Variants in LRFN5 observed in about 807,000 individuals in gnomAD.
The protein encoded by LRFN5 is leucine-rich repeat and fibronectin type-III domain-containing protein 5.
LRFN5 carries 24 observed loss-of-function variants against 45.6 expected under a neutral mutation model. That is an observed-to-expected ratio of 0.53 (90% CI 0.38 to 0.74). The LOEUF (loss-of-function observed/expected upper bound fraction) is 0.74. LRFN5 is among the 30% of genes least tolerant of loss of function. The probability of loss-of-function intolerance (pLI) is 0.00; values close to 1 mark genes in which losing one functional copy is unlikely to be tolerated. For synonymous variants in LRFN5, 340 were observed against 313.8 expected, an observed-to-expected ratio of 1.08 and a Z score of -0.88; for missense variants, 776 against 861.5, an observed-to-expected ratio of 0.90 and a Z score of 1.24.
intron 2 of LRFN5, among the ~76,000 whole-genome samples, chr14:41,853,864 A>G (rs1889359918): frequency 6.6e-6 from 1 of 152,112 alleles, no homozygotes; most frequent in Admixed American, 6.6e-5. Flanking sequence ...TAGTGTTGGT[A>G]GCAGTAACAA....
At chr14:41,670,785 A>C (rs2138658375) in intron 1 of LRFN5, among the ~76,000 whole-genome samples, 1 of 152,170 alleles carries the variant, frequency 6.6e-6, no homozygotes, top group Admixed American at 6.5e-5. Context: ...GCAAAGTACT[A>C]GGAGAAAACA....
At chr14:41,662,099 C>T (rs1489640977) in intron 1 of LRFN5, among the ~76,000 whole-genome samples, 1 of 152,016 alleles carries the variant, frequency 6.6e-6, no homozygotes, top group Non-Finnish European at 1.5e-5. Context: ...CTTTTATGAA[C>T]TCACAGATAA....
intron 2 of LRFN5, among the ~76,000 whole-genome samples, chr14:41,778,610 A>G (rs1179014504): frequency 6.6e-6 from 1 of 151,810 alleles, no homozygotes; most frequent in Non-Finnish European, 1.5e-5. Flanking sequence ...TATAAAACTC[A>G]TGTACACTTT....
At chr14:41,639,921 T>C (rs552138366) in intron 1 of LRFN5, among the ~76,000 whole-genome samples, 1 of 149,328 alleles carries the variant, frequency 6.7e-6, no homozygotes, top group South Asian at 2.1e-4. Flanking sequence ...TAATTGGGAC[T>C]ACAGATGGAT....
intron 5 of LRFN5, among the ~76,000 whole-genome samples, chr14:41,903,075 TGGTG>T (rs1891149217): frequency 6.6e-6 from 1 of 151,688 alleles, no homozygotes; most frequent in Non-Finnish European, 1.5e-5. Context: ...TTCACATATA[TGGTG>T]TATTTCTTAT....
chr14:41,872,023 AAAT>A (rs1257126108), intron 2 of LRFN5, among the ~76,000 whole-genome samples: 2 of 152,136 alleles, frequency 1.3e-5, no homozygotes, highest in African/African-American at 2.4e-5. Context: ...AGCTGGTTTG[AAAT>A]AATAATCTCT....
chr14:41,719,262 T>C (rs1883615378), intron 1 of LRFN5, among the ~76,000 whole-genome samples: 1 of 152,168 alleles, frequency 6.6e-6, no homozygotes, highest in Non-Finnish European at 1.5e-5. Context: ...ATGATGTCTA[T>C]TTGTTCCATT....
At chr14:41,693,036 A>G (rs535992993) in intron 1 of LRFN5, among the ~76,000 whole-genome samples, 2 of 152,192 alleles carry the variant, frequency 1.3e-5, no homozygotes, top group South Asian at 2.1e-4. Context: ...TTAAGTATCA[A>G]TTAACTATAT....
At chr14:41,885,603 C>T (rs1890540304) in intron 2 of LRFN5, among the ~76,000 whole-genome samples, 1 of 152,092 alleles carries the variant, frequency 6.6e-6, no homozygotes, top group South Asian at 2.1e-4. Context: ...CAGAAATTAT[C>T]TTTAAAAATC....
intron 1 of LRFN5, among the ~76,000 whole-genome samples, chr14:41,766,403 G>A (rs1885885162): frequency 6.6e-6 from 1 of 152,088 alleles, no homozygotes. Flanking sequence ...AAATATACGG[G>A]AAAAACAACA....
intron 2 of LRFN5, among the ~76,000 whole-genome samples, chr14:41,812,542 G>A (rs1183841028): frequency 1.3e-5 from 2 of 151,666 alleles, no homozygotes; most frequent in African/African-American, 4.8e-5. Flanking sequence ...TATATACAAA[G>A]GCACACAGAA....
At chr14:41,727,256 G>A (rs145956110) in intron 1 of LRFN5, among the ~76,000 whole-genome samples, 7 of 152,186 alleles carry the variant, frequency 4.6e-5, no homozygotes, top group Non-Finnish European at 7.4e-5. Context: ...TATCTTAAAC[G>A]ACAGTTAGTA....
intron 1 of LRFN5, among the ~76,000 whole-genome samples, chr14:41,756,417 T>G (rs1352362022): frequency 6.6e-6 from 1 of 152,242 alleles, no homozygotes; most frequent in Non-Finnish European, 1.5e-5. Context: ...AGACGTAGAT[T>G]TGACCTTTTC....
At position 41,665,379 on chromosome 14, in the gene LRFN5, A is replaced by G. The variant is rs1880849572; in HGVS notation, c.-197+56817A>G. On this transcript the variant is annotated intron_variant, in intron 1 of 5. Coordinates refer to ENST00000298119, the MANE Select transcript of LRFN5 (RefSeq NM_152447.5). ...GAGGGATGAGAGGTAACATTCAGAT[A>G]ATTTATAGAACATGTAACTAGGTGC... 3.3e-5 allele frequency among the ~76,000 whole-genome samples: 5 copies of G among 152,156 alleles called. No individual in the cohort carries two copies. The South Asian group carries it at 1.0e-3, about 32-fold the overall frequency.
chr14:41,673,341 G>C (rs1332880283), intron 1 of LRFN5, among the ~76,000 whole-genome samples: 2 of 144,340 alleles, frequency 1.4e-5, no homozygotes, highest in Non-Finnish European at 3.1e-5. Flanking sequence ...GGCCGGGCGG[G>C]GGGCTGACCC....
At chr14:41,886,185 A>G (rs1032159437) in intron 2 of LRFN5, among the ~76,000 whole-genome samples, 1 of 152,120 alleles carries the variant, frequency 6.6e-6, no homozygotes, top group African/African-American at 2.4e-5. Flanking sequence ...CCTACTTACA[A>G]ATCTTCAAAT....
intron 1 of LRFN5, among the ~76,000 whole-genome samples, chr14:41,645,443 C>A (rs1357710871): frequency 6.6e-6 from 1 of 152,128 alleles, no homozygotes; most frequent in Non-Finnish European, 1.5e-5. Context: ...TCATGTTGGC[C>A]AGGCTGGTTT....
At chr14:41,770,300 C>G (rs544997707) in intron 2 of LRFN5, among the ~76,000 whole-genome samples, 1 of 152,164 alleles carries the variant, frequency 6.6e-6, no homozygotes, top group Admixed American at 6.6e-5. Context: ...CCTGGCCCCC[C>G]CAAATCACAT....
intron 1 of LRFN5, among the ~76,000 whole-genome samples, chr14:41,646,318 TA>T (rs1394205511): frequency 1.3e-5 from 2 of 152,216 alleles, no homozygotes; most frequent in Non-Finnish European, 2.9e-5. Flanking sequence ...TTTTAATTGA[TA>T]TTTTTAAGTT....
Sources: allele counts gnomAD v4.1 joint callset (sites outside exome capture counted in the v4.1 genomes callset), GRCh38; gene constraint gnomAD v4.1.1; transcripts MANE v1.5; gene names NCBI Gene and HGNC (gene_info 2026-07-23, HGNC 2026-07-21).